Variants in ZCCHC7 observed in about 807,000 individuals in gnomAD.
ZCCHC7 encodes the protein zinc finger CCHC domain-containing protein 7.
In ZCCHC7, 35 loss-of-function variants were observed where a neutral mutation model predicts 52.0. That is an observed-to-expected ratio of 0.67 (90% confidence interval 0.51 to 0.89). ZCCHC7 has a LOEUF of 0.89. Among genes scored for constraint, ZCCHC7 ranks in the 40% least tolerant of loss-of-function variants. The pLI, the probability that ZCCHC7 is intolerant of heterozygous loss-of-function variation, is 0.00. For synonymous variants in ZCCHC7, 217 were observed against 221.5 expected (o/e 0.98, Z 0.18); for missense variants, 574 against 649.1 (o/e 0.88, Z 1.26).
intron 2 of ZCCHC7, chr9:37,205,218 TA>T: frequency 2.6e-6 from 1 of 382,418 alleles, no homozygotes; most frequent in African/African-American, 2.1e-5. Context: ...GGTAACATTG[TA>T]GACTCTTCCA....
chr9:37,225,411 G>C (rs1395149943), intron 2 of ZCCHC7, among the ~76,000 whole-genome samples: 4 of 152,032 alleles, frequency 2.6e-5, no homozygotes, highest in Non-Finnish European at 5.9e-5. Flanking sequence ...AACTCTTCCA[G>C]AATATATAAG....
At chr9:37,143,383 G>A (rs538157413) in intron 2 of ZCCHC7, among the ~76,000 whole-genome samples, 2 of 151,550 alleles carry the variant, frequency 1.3e-5, no homozygotes, top group South Asian at 2.1e-4. Flanking sequence ...TAGCTTTAGC[G>A]TTTTCTGTTC....
At chr9:37,196,298 T>C (rs1310404544) in intron 2 of ZCCHC7, among the ~76,000 whole-genome samples, 3 of 152,318 alleles carry the variant, frequency 2.0e-5, no homozygotes, top group African/African-American at 7.2e-5. Context: ...AAAAGCTGTT[T>C]ATTATAGTGA....
At chr9:37,356,565 G>A (rs1310154139) in intron 8 of ZCCHC7, among the ~76,000 whole-genome samples, 1 of 152,218 alleles carries the variant, frequency 6.6e-6, no homozygotes, top group Non-Finnish European at 1.5e-5. Context: ...AAGCTAAGAT[G>A]ATTACTGTTC....
intron 2 of ZCCHC7, among the ~76,000 whole-genome samples, chr9:37,181,763 G>A (rs980175938): frequency 1.3e-5 from 2 of 152,216 alleles, no homozygotes; most frequent in Non-Finnish European, 2.9e-5. Context: ...ATATATGGAA[G>A]ATGTTCTGGA....
chr9:37,338,209 G>A (rs968735190), intron 6 of ZCCHC7, among the ~76,000 whole-genome samples: 3 of 152,088 alleles, frequency 2.0e-5, no homozygotes, highest in South Asian at 2.1e-4. Flanking sequence ...CAAAAAGAAA[G>A]GTTATAAATT....
chr9:37,143,808 A>C (rs1174558133), intron 2 of ZCCHC7, among the ~76,000 whole-genome samples: 1 of 151,820 alleles, frequency 6.6e-6, no homozygotes, highest in Non-Finnish European at 1.5e-5. Flanking sequence ...GCTAATGTTC[A>C]ATTAAGTTAT....
intron 2 of ZCCHC7, among the ~76,000 whole-genome samples, chr9:37,237,072 T>C (rs1825687292): frequency 6.6e-6 from 1 of 152,160 alleles, no homozygotes; most frequent in Admixed American, 6.5e-5. Context: ...GCAATTCTAA[T>C]TGCCTTTGAA....
intron 2 of ZCCHC7, among the ~76,000 whole-genome samples, chr9:37,253,127 C>T (rs1826410034): frequency 6.6e-6 from 1 of 151,902 alleles, no homozygotes; most frequent in Non-Finnish European, 1.5e-5. Flanking sequence ...TCTAAAAGGT[C>T]TATAGATACG....
intron 2 of ZCCHC7, among the ~76,000 whole-genome samples, chr9:37,244,693 T>C (rs918754249): frequency 2.6e-5 from 4 of 151,892 alleles, no homozygotes; most frequent in Admixed American, 1.3e-4. Context: ...GTGGTAAATG[T>C]TTTGCACTGT....
intron 2 of ZCCHC7, among the ~76,000 whole-genome samples, chr9:37,174,376 A>G (rs2133001958): frequency 6.6e-6 from 1 of 152,300 alleles, no homozygotes; most frequent in East Asian, 1.9e-4. Flanking sequence ...ATTCCTATCA[A>G]TACCGTGTGA....
chr9:37,255,539 T>C (rs935335289), intron 2 of ZCCHC7, among the ~76,000 whole-genome samples: 1 of 152,150 alleles, frequency 6.6e-6, no homozygotes, highest in Non-Finnish European at 1.5e-5. Context: ...AATTTTCATA[T>C]AATATTTTTG....
At chr9:37,264,746 A>G (rs1827023108) in intron 2 of ZCCHC7, among the ~76,000 whole-genome samples, 1 of 152,186 alleles carries the variant, frequency 6.6e-6, no homozygotes, top group Admixed American at 6.5e-5. Flanking sequence ...AGATCTTTTT[A>G]TATGCCTCAC....
chr9:37,225,246 GTTAAAA>G lies in ZCCHC7; in HGVS notation c.611-76937_611-76932del, dbSNP rs902024018. 2.1e-4 allele frequency among the ~76,000 whole-genome samples: 32 copies of G among 152,194 alleles called. No homozygotes were observed. In the Middle Eastern group the frequency reaches 0.01, roughly 49 times the overall value. ...GATGAAATGGACAAATTCCTTGAAA[GTTAAAA>G]TTAAGAAGAAATAGATAACCTAAAT... is the stretch of plus-strand genomic sequence containing the variant. On this transcript the variant is annotated intron_variant, in intron 2 of 8. Coordinates refer to ENST00000336755, the MANE Select transcript of ZCCHC7 (RefSeq NM_032226.3).
intron 2 of ZCCHC7, among the ~76,000 whole-genome samples, chr9:37,257,846 G>A (rs1826665023): frequency 6.6e-6 from 1 of 152,156 alleles, no homozygotes; most frequent in Admixed American, 6.5e-5. Flanking sequence ...CTAAGCAGAT[G>A]CTGGTGCCAT....
intron 6 of ZCCHC7, among the ~76,000 whole-genome samples, chr9:37,346,612 T>G (rs949275192): frequency 1.3e-5 from 2 of 152,026 alleles, no homozygotes; most frequent in African/African-American, 2.4e-5. Context: ...GGAGGTGGTG[T>G]TGTGGTGAGC....
At chr9:37,294,378 C>G (rs1828682094) in intron 2 of ZCCHC7, among the ~76,000 whole-genome samples, 1 of 152,136 alleles carries the variant, frequency 6.6e-6, no homozygotes, top group African/African-American at 2.4e-5. Context: ...AAGGATATGA[C>G]ATAAATATCT....
chr9:37,186,987 C>T, intron 2 of ZCCHC7: 1 of 253,304 alleles, frequency 3.9e-6, no homozygotes, highest in Non-Finnish European at 7.6e-6. Flanking sequence ...TAAGTAAAAA[C>T]AATGGATTGA....
chr9:37,156,660 TTA>T (rs550271938), intron 2 of ZCCHC7, among the ~76,000 whole-genome samples: 88 of 152,226 alleles, frequency 5.8e-4, no homozygotes, highest in Non-Finnish European at 1.0e-3. Flanking sequence ...ATACCCACAT[TTA>T]TGTTATAAGC....
Sources: allele counts gnomAD v4.1 joint callset (sites outside exome capture counted in the v4.1 genomes callset), GRCh38; gene constraint gnomAD v4.1.1; transcripts MANE v1.5; gene names NCBI Gene and HGNC (gene_info 2026-07-23, HGNC 2026-07-21).